CYFIP2: variants seen among roughly 807,000 people sequenced by gnomAD.
CYFIP2 encodes cytoplasmic FMR1-interacting protein 2.
In CYFIP2, 29 loss-of-function variants were observed where a neutral mutation model predicts 158.7. The observed-to-expected ratio is 0.18, with a 90% CI of 0.14 to 0.25. The LOEUF is 0.25. CYFIP2 is among the 10% of genes least tolerant of loss of function. The probability of loss-of-function intolerance (pLI) is 1.00; values close to 1 mark genes in which losing one functional copy is unlikely to be tolerated. For synonymous variants in CYFIP2, 585 were observed against 617.6 expected (o/e 0.95, Z 0.78); for missense variants, 852 against 1,639.5 (o/e 0.52, Z 8.29).
chr5:157,320,606 G>T (rs6555939), intron 14 of CYFIP2, 49 bp from the exon 15 acceptor site: 451,436 of 1,607,210 alleles, frequency 0.28, 67,987 homozygotes, highest in African/African-American at 0.55. Flanking sequence ...TTGTAGTGAC[G>T]TTTTCCCATG....
chr5:157,382,062 G>T (rs1332318127), intron 26 of CYFIP2, among the ~76,000 whole-genome samples: 1 of 152,148 alleles, frequency 6.6e-6, no homozygotes, highest in Non-Finnish European at 1.5e-5. Context: ...AATAACCATT[G>T]AAACCAATCT....
chr5:157,275,845 A>G (rs1201174548), intron 1 of CYFIP2, among the ~76,000 whole-genome samples: 1 of 152,164 alleles, frequency 6.6e-6, no homozygotes, highest in Non-Finnish European at 1.5e-5. Context: ...TATTGCTTTC[A>G]GAGTGTATGT....
rs923207520 is a variant in CYFIP2, at chr5:157,389,439, C to A, written c.3446+12C>A. On this transcript the variant is annotated intron_variant, in intron 29 of 30. Transcript: ENST00000620254. ...GAGTTCACAGCTGAGTGAGTACCCC[C>A]CAGAGAAGGCAGGGTTACCCCCAAC... 22 of 1,559,624 alleles carry A rather than the reference C, an allele frequency of 1.4e-5. No homozygotes were observed. Among genetic ancestry groups the A allele is most frequent in the African/African-American group, 1.2e-4 (9 of 74,096 alleles).
chr5:157,283,029 T>C (rs940514606), intron 1 of CYFIP2, among the ~76,000 whole-genome samples: 2 of 152,212 alleles, frequency 1.3e-5, no homozygotes, highest in African/African-American at 4.8e-5. Flanking sequence ...AACCTCCACT[T>C]ATCGAGTGTA....
chr5:157,320,432 C>A (rs767659393), intron 14 of CYFIP2, among the ~76,000 whole-genome samples: 9 of 152,212 alleles, frequency 5.9e-5, no homozygotes, highest in African/African-American at 7.2e-5. Context: ...CCTTGGACAT[C>A]AGAACCATGT....
chr5:157,364,703 C>T (rs1764202579), intron 26 of CYFIP2: 1 of 152,104 alleles, frequency 6.6e-6, no homozygotes, highest in African/African-American at 2.4e-5. Context: ...GATCTCCAAG[C>T]CTAGACAGTG....
chr5:157,287,277 T>G (rs1345594884), intron 3 of CYFIP2, among the ~76,000 whole-genome samples, 169 bp downstream of exon 3: 10 of 152,190 alleles, frequency 6.6e-5, no homozygotes, highest in Non-Finnish European at 1.5e-5. Context: ...CCCCTGTCGG[T>G]GCCTAGAAAC....
chr5:157,329,681 A>G (rs1249454583), intron 19 of CYFIP2, among the ~76,000 whole-genome samples: 1 of 152,242 alleles, frequency 6.6e-6, no homozygotes, highest in Non-Finnish European at 1.5e-5. Flanking sequence ...ACATACACTC[A>G]ATATAGACAT....
chr5:157,309,874 T>C (rs1759561667), intron 10 of CYFIP2, 40 bp downstream of exon 10: 1 of 1,548,108 alleles, frequency 6.5e-7, no homozygotes, highest in Non-Finnish European at 8.8e-7. Flanking sequence ...CCCGCAAGGA[T>C]GCCCAGCCCG....
intron 13 of CYFIP2, among the ~76,000 whole-genome samples, chr5:157,317,225 A>G (rs1455550117): frequency 6.6e-6 from 1 of 152,160 alleles, no homozygotes; most frequent in East Asian, 1.9e-4. Context: ...TCTAGTCATT[A>G]CTTTGCTATA....
intron 3 of CYFIP2, among the ~76,000 whole-genome samples, chr5:157,290,788 A>G (rs1757762330): frequency 6.6e-6 from 1 of 152,240 alleles, no homozygotes; most frequent in Admixed American, 6.5e-5. Flanking sequence ...ATTAGCAGCA[A>G]TGTGGGTGTA....
intron 1 of CYFIP2, among the ~76,000 whole-genome samples, chr5:157,273,263 A>G (rs2113809661): frequency 1.3e-5 from 2 of 152,174 alleles, no homozygotes; most frequent in Middle Eastern, 3.4e-3. Flanking sequence ...TCCACCCCTA[A>G]CTAGCCCAGT....
intron 26 of CYFIP2, chr5:157,377,078 C>G (rs1765556492): frequency 1.6e-5 from 5 of 315,792 alleles, no homozygotes; most frequent in South Asian, 1.2e-4. Context: ...CTTCTATCTC[C>G]TTTGCCGCTA....
chr5:157,320,478 C>T (rs1404695949), intron 14 of CYFIP2, among the ~76,000 whole-genome samples, 177 bp from the exon 15 acceptor site: 1 of 152,176 alleles, frequency 6.6e-6, no homozygotes, highest in African/African-American at 2.4e-5. Context: ...CTGGACTGTA[C>T]CTTAAATCTG....
At chr5:157,356,062 A>C (rs1294100871) in intron 23 of CYFIP2, among the ~76,000 whole-genome samples, 1 of 152,170 alleles carries the variant, frequency 6.6e-6, no homozygotes, top group Non-Finnish European at 1.5e-5. Context: ...AGTAAGATGC[A>C]CTGTCTTTGT....
intron 19 of CYFIP2, among the ~76,000 whole-genome samples, chr5:157,330,180 C>T (rs1488804347): frequency 6.6e-6 from 1 of 151,648 alleles, no homozygotes; most frequent in African/African-American, 2.4e-5. Context: ...CTCTGCAATC[C>T]ATGCCTCAGT....
At position 157,314,418 on chromosome 5, in the gene CYFIP2, G is replaced by A. The variant is rs1382537951; in HGVS notation, c.1185G>A (p.Arg395=). Residue 395 remains arginine, a synonymous_variant, in exon 12 of 31, where the codon CGG becomes CGA. Transcript: ENST00000620254. ...EYRELFDLAL[R]GLQLLSKWSA... is the part of the protein sequence containing the mutation. The stretch of plus-strand genomic sequence containing the variant: ...GCGAGCTCTTCGACCTAGCCCTGCG[G>A]GGTCTGCAGCTTCTATCCAAGTGGA... 2 of 1,613,748 alleles carry A rather than the reference G, an allele frequency of 1.2e-6. No individual in the cohort carries two copies. Among genetic ancestry groups the A allele is most frequent in the African/African-American group, 2.7e-5 (2 of 74,912 alleles).
At position 157,392,931 on chromosome 5, in the gene CYFIP2, C is replaced by G. The variant is rs760318555; in HGVS notation, c.3693C>G (p.Asp1231Glu). 3.7e-6 allele frequency: 6 copies of G among 1,613,844 alleles called. No homozygotes were observed. The highest frequency in any genetic ancestry group is 5.1e-6 in the Non-Finnish European group (6 of 1,179,888). Reference sequence around the variant, plus strand: ...AATACATGAAGTCCGTGGAGACAGACAGTTCCACTGTGGAGCATGTGCGCT... The same window carrying G: ...AATACATGAAGTCCGTGGAGACAGAGAGTTCCACTGTGGAGCATGTGCGCT... ...LNKYMKSVET[D>E]SSTVEHVRCF... Residue 1231 changes from aspartate to glutamate, a missense_variant, in exon 31 of 31, where the codon GAC becomes GAG. This residue lies in a region of CYFIP2 where 223 missense variants were observed against 381.6 expected (regional missense o/e 0.58). Transcript: ENST00000620254.
Position 157,315,053 on chromosome 5 carries a change from C to T in CYFIP2, c.1315C>T (p.Arg439Cys), listed in dbSNP as rs1476300276. ...GTAEEYERAT[R>C]YNYTSEEKFA... is the part of the protein sequence containing the mutation. ...CGCGGAGGAATATGAGAGAGCCACA[C>T]GCTACAATTACACCAGTGAGGAAAA... Residue 439 changes from arginine (R) to cysteine (C), a missense_variant, in exon 13 of 31, where the codon CGC becomes TGC. Coordinates refer to ENST00000620254, the MANE Select transcript of CYFIP2 (RefSeq NM_001037333.3). The T allele has an allele frequency of 6.2e-7, 1 of 1,613,086 alleles. No individual in the cohort carries two copies. The highest frequency in any genetic ancestry group is 8.5e-7 in the Non-Finnish European group (1 of 1,179,650).
Sources: allele counts gnomAD v4.1 joint callset (sites outside exome capture counted in the v4.1 genomes callset), GRCh38; gene constraint gnomAD v4.1.1; regional missense constraint gnomAD v4.1.1; transcripts MANE v1.5; gene names NCBI Gene and HGNC (gene_info 2026-07-23, HGNC 2026-07-21).